XIRP2: variants seen among roughly 807,000 people sequenced by gnomAD.
XIRP2 encodes the protein xin actin binding repeat containing 2.
In XIRP2, 236 loss-of-function variants were observed where a neutral mutation model predicts 277.0. The observed-to-expected ratio is 0.85, with a 90% CI of 0.77 to 0.95. The LOEUF (loss-of-function observed/expected upper bound fraction) is 0.95. Ranked by LOEUF, XIRP2 falls within the 40% of genes least tolerant of loss-of-function variation. The pLI is 0.00. For missense variants in XIRP2, 4,640 were observed against 4,157.5 expected (o/e 1.12, Z -3.19); for synonymous variants, 1,490 against 1,416.5 (o/e 1.05, Z -1.17).
intron 2 of XIRP2, among the ~76,000 whole-genome samples, chr2:166,907,853 G>A (rs1031866202): frequency 6.9e-6 from 1 of 145,792 alleles, no homozygotes; most frequent in African/African-American, 2.6e-5. Context: ...CTATGAGTGA[G>A]AACATGCAGT....
At chr2:166,894,909 A>G (rs553350600) in intron 1 of XIRP2, among the ~76,000 whole-genome samples, 31 of 152,308 alleles carry the variant, frequency 2.0e-4, no homozygotes, top group African/African-American at 7.2e-4. Flanking sequence ...TTGGTAAGTC[A>G]GGAATGCTTC....
At chr2:167,201,113 G>A (rs1573953262) in intron 3 of XIRP2, among the ~76,000 whole-genome samples, 1 of 150,556 alleles carries the variant, frequency 6.6e-6, no homozygotes, top group East Asian at 2.0e-4. Context: ...ACAACAGAGT[G>A]AGGCTTTGTC....
At chr2:167,136,743 G>A (rs182519549) in intron 3 of XIRP2, among the ~76,000 whole-genome samples, 1 of 152,148 alleles carries the variant, frequency 6.6e-6, no homozygotes, top group East Asian at 1.9e-4. Context: ...TTCCTCTTTA[G>A]CCAAATAATG....
chr2:167,081,088 A>G (rs1558972010), intron 2 of XIRP2, among the ~76,000 whole-genome samples: 1 of 152,170 alleles, frequency 6.6e-6, no homozygotes, highest in Non-Finnish European at 1.5e-5. Context: ...TCTAAATAAA[A>G]TAACTATATA....
Position 167,244,012 on chromosome 2 carries a change from A to T in XIRP2, c.2620A>T (p.Thr874Ser). 1.2e-6 allele frequency: 2 copies of T among 1,614,028 alleles called. No homozygotes were observed. The highest frequency in any genetic ancestry group is 2.2e-5 in the South Asian group (2 of 91,074). The change falls in exon 9 of 11, where the codon ACT becomes TCT. Residue 874 changes from threonine (T) to serine (S), a missense_variant. By Grantham distance (58) the Thr-to-Ser change is moderately conservative. Coordinates refer to ENST00000409195, the MANE Select transcript of XIRP2 (RefSeq NM_152381.6). ...REEIIGGDVQ[T>S]TKHLFETLPI... is the part of the protein sequence containing the mutation. ...GGAGATAATAGGTGGTGATGTACAAACTACTAAGCATCTATTTGAAACACT... is the reference window on the plus strand; with the variant it reads ...GGAGATAATAGGTGGTGATGTACAATCTACTAAGCATCTATTTGAAACACT...
chr2:167,090,412 T>A (rs539006438), intron 2 of XIRP2, among the ~76,000 whole-genome samples: 68 of 152,248 alleles, frequency 4.5e-4, no homozygotes, highest in Non-Finnish European at 7.1e-4. Flanking sequence ...CAGGGATCAT[T>A]TGCCATCCAC....
chr2:166,996,289 T>G (rs1030020038), intron 2 of XIRP2, among the ~76,000 whole-genome samples: 8 of 152,170 alleles, frequency 5.3e-5, no homozygotes, highest in Non-Finnish European at 7.4e-5. Context: ...ACTTGCAAAC[T>G]TATCTGTAAG....
At chr2:167,239,048 T>C (rs1045231424) in intron 5 of XIRP2, among the ~76,000 whole-genome samples, 1 of 152,102 alleles carries the variant, frequency 6.6e-6, no homozygotes, top group African/African-American at 2.4e-5. Context: ...TAGGGAGACA[T>C]AAACTAGCAT....
At chr2:167,087,254 C>T (rs1001076369) in intron 2 of XIRP2, among the ~76,000 whole-genome samples, 24 of 152,310 alleles carry the variant, frequency 1.6e-4, no homozygotes, top group Middle Eastern at 3.4e-3. Flanking sequence ...TTAGGCTGCT[C>T]GGAGGTCAGG....
intron 2 of XIRP2, among the ~76,000 whole-genome samples, chr2:166,930,363 G>A (rs545955467): frequency 7.2e-5 from 11 of 152,184 alleles, no homozygotes; most frequent in East Asian, 5.8e-4. Context: ...CTGAAACAGC[G>A]TGTTAATGAC....
At chr2:167,072,596 G>T (rs1689463524) in intron 2 of XIRP2, among the ~76,000 whole-genome samples, 1 of 152,060 alleles carries the variant, frequency 6.6e-6, no homozygotes, top group Non-Finnish European at 1.5e-5. Context: ...CTCAACCCCA[G>T]CAGTGTGTCA....
At position 167,247,108 on chromosome 2, in the gene XIRP2, A is replaced by G. The variant is rs1695296541; in HGVS notation, c.5716A>G (p.Thr1906Ala). 2 of 1,613,338 alleles carry G rather than the reference A, an allele frequency of 1.2e-6. No individual in the cohort carries two copies. The highest frequency in any genetic ancestry group is 1.3e-5 in the African/African-American group (1 of 74,924). The change falls in exon 9 of 11, where the codon ACA becomes GCA. Residue 1906 changes from threonine (T) to alanine (A), a missense_variant. Thr to Ala is a moderately conservative substitution (Grantham distance 58). Coordinates refer to ENST00000409195, the MANE Select transcript of XIRP2 (RefSeq NM_152381.6). The part of the protein sequence containing the change: ...EKAIECLEKA[T>A]NTKTEILKKE... Reference sequence around the variant, plus strand: ...AGCTATTGAATGCCTTGAAAAAGCTACAAATACAAAGACAGAAATTCTGAA... The same window carrying G: ...AGCTATTGAATGCCTTGAAAAAGCTGCAAATACAAAGACAGAAATTCTGAA...
At position 167,024,235 on chromosome 2, in the gene XIRP2, C is replaced by T. The variant is rs536600980; in HGVS notation, c.409-111674C>T. ...AAGCAATTGTGAATGGGAGTTCACT[C>T]ATGATTTGGCTCTCTGTTTGTCTGT... On this transcript the variant is annotated intron_variant, in intron 2 of 10. Coordinates refer to ENST00000409195, the MANE Select transcript of XIRP2 (RefSeq NM_152381.6). 3.3e-5 allele frequency among the ~76,000 whole-genome samples: 5 copies of T among 152,214 alleles called. No individual in the cohort carries two copies. The East Asian group carries it at 9.7e-4, about 29-fold the overall frequency.
Position 167,246,848 on chromosome 2 carries a change from T to A in XIRP2, c.5456T>A (p.Val1819Asp). Residue 1819 changes from valine to aspartate, a missense_variant, in exon 9 of 11, where the codon GTT becomes GAT. Physicochemically the swap from Val to Asp is radical, Grantham distance 152 (BLOSUM62 -3). Coordinates refer to ENST00000409195, the MANE Select transcript of XIRP2 (RefSeq NM_152381.6). ...GGAGATGTGCATAACACAGTTAAGG[T>A]TTTTATGACCGAGCCTCAGAGTACA... The part of the protein sequence containing the change: ...IPGDVHNTVK[V>D]FMTEPQSTFG... The A allele has an allele frequency of 1.2e-6, 2 of 1,613,666 alleles. No homozygotes were observed. The highest frequency in any genetic ancestry group is 2.2e-5 in the East Asian group (1 of 44,842).
intron 4 of XIRP2, among the ~76,000 whole-genome samples, chr2:167,214,547 G>T (rs574878496): frequency 6.6e-6 from 1 of 151,752 alleles, no homozygotes; most frequent in African/African-American, 2.4e-5. Context: ...CTAAAGCGCA[G>T]GAAAGTAATG....
chr2:166,952,164 G>T (rs558821725), intron 2 of XIRP2, among the ~76,000 whole-genome samples: 1 of 152,066 alleles, frequency 6.6e-6, no homozygotes, highest in Admixed American at 6.6e-5. Context: ...TTCATATAAT[G>T]ATTTGTCACT....
At chr2:167,257,731 T>C (rs1025183630) in intron 10 of XIRP2, 126 bp from the exon 11 acceptor site, 6 of 849,300 alleles carry the variant, frequency 7.1e-6, no homozygotes, top group African/African-American at 1.7e-5. Context: ...GTTCAACTAA[T>C]AGGGCCATTC....
At chr2:167,192,030 A>G (rs1283841517) in intron 3 of XIRP2, among the ~76,000 whole-genome samples, 2 of 152,190 alleles carry the variant, frequency 1.3e-5, no homozygotes, top group African/African-American at 4.8e-5. Context: ...TCAACATAGA[A>G]AAGCTTTTTT....
intron 5 of XIRP2, among the ~76,000 whole-genome samples, chr2:167,228,404 A>G (rs1694667694): frequency 6.6e-6 from 1 of 152,188 alleles, no homozygotes; most frequent in African/African-American, 2.4e-5. Flanking sequence ...ATGGTAGGCC[A>G]TTCCAGTACA....
Sources: gnomAD v4.1 joint callset for allele counts (sites outside exome capture counted in the v4.1 genomes callset) on GRCh38, gnomAD v4.1.1 for gene constraint, MANE v1.5 for transcripts, NCBI Gene and HGNC (gene_info 2026-07-23, HGNC 2026-07-21) for gene names.